Variants in TNRC18 observed in about 807,000 individuals in gnomAD.
TNRC18 encodes the protein trinucleotide repeat containing 18.
In TNRC18, 69 loss-of-function variants were observed where a neutral mutation model predicts 226.7. The ratio of observed to expected loss-of-function variants is 0.30; its 90% CI spans 0.25 to 0.37. The LOEUF is 0.37. Ranked by LOEUF, TNRC18 falls within the 10% of genes least tolerant of loss-of-function variation. TNRC18 has a pLI of 1.00. For missense variants in TNRC18, 4,754 were observed against 4,256.6 expected (o/e 1.12, Z -3.25); for synonymous variants, 2,449 against 1,927.6 (o/e 1.27, Z -7.09).
intron 18 of TNRC18, among the ~76,000 whole-genome samples, chr7:5,339,118 C>G (rs951444526): frequency 6.6e-6 from 1 of 151,388 alleles, no homozygotes; most frequent in Non-Finnish European, 1.5e-5. Context: ...GGCAACAGAG[C>G]GAGACCTCTT....
chr7:5,339,579 T>TGTGTGTGTGTG (rs1562514263), intron 18 of TNRC18, among the ~76,000 whole-genome samples: 1 of 122,576 alleles, frequency 8.2e-6, no homozygotes, highest in Non-Finnish European at 1.7e-5. Context: ...GTGTGTGTGT[T>TGTGTGTGTGTG]TTTCGACAGA....
intron 24 of TNRC18, among the ~76,000 whole-genome samples, chr7:5,319,003 G>A (rs745614004): frequency 5.3e-5 from 8 of 152,242 alleles, no homozygotes; most frequent in East Asian, 3.9e-4. Flanking sequence ...CAACAAAAGC[G>A]GTTCCCAGGA....
chr7:5,389,761 T>C (rs970630363), intron 4 of TNRC18: 1 of 154,216 alleles, frequency 6.5e-6, no homozygotes, highest in Non-Finnish European at 1.4e-5. Flanking sequence ...CCAGTGTTTT[T>C]TCTTGGAAAT....
At chr7:5,372,217 G>A (rs546734434) in intron 10 of TNRC18, among the ~76,000 whole-genome samples, 2 of 149,382 alleles carry the variant, frequency 1.3e-5, no homozygotes, top group Admixed American at 6.7e-5. Context: ...ACAGGCGCCC[G>A]CCACCATGCC....
intron 15 of TNRC18, among the ~76,000 whole-genome samples, chr7:5,358,713 C>A (rs1266769344): frequency 1.3e-5 from 2 of 152,152 alleles, no homozygotes; most frequent in Non-Finnish European, 2.9e-5. Flanking sequence ...ACTTGGGAGG[C>A]TGAGGCAGGA....
intron 2 of TNRC18, 190 bp downstream of exon 2, chr7:5,420,870 C>T (rs749227111): frequency 2.6e-6 from 2 of 766,814 alleles, no homozygotes; most frequent in Non-Finnish European, 4.4e-6. Context: ...GTAGCCGAGC[C>T]GCGCGACACT....
chr7:5,387,855 T>C lies in TNRC18; in HGVS notation c.1969A>G (p.Arg657Gly). The C allele has an allele frequency of 6.2e-7, 1 of 1,601,142 alleles. No homozygotes were observed. Among genetic ancestry groups the C allele is most frequent in the Non-Finnish European group, 8.5e-7 (1 of 1,176,862 alleles). ...CCGAAAGCTTTGGCGCTCTCGGGCC[T>C]CTCGGGGTCCCGCTTCAGCTGCCGG... ...GGRQLKRDPE[R>G]PESAKAFGRE... Residue 657 changes from arginine to glycine, a missense_variant, in exon 5 of 30, where the codon AGG becomes GGG. Arg to Gly is a moderately radical substitution (Grantham distance 125). Transcript: ENST00000430969.
At chr7:5,353,133 C>T (rs566125420) in intron 16 of TNRC18, among the ~76,000 whole-genome samples, 7 of 152,306 alleles carry the variant, frequency 4.6e-5, no homozygotes, top group East Asian at 3.9e-4. Context: ...CCCTGCCCAT[C>T]GAACCAGTCA....
intron 27 of TNRC18, among the ~76,000 whole-genome samples, chr7:5,311,309 C>A (rs1335106342): frequency 6.6e-6 from 1 of 152,274 alleles, no homozygotes; most frequent in Admixed American, 6.5e-5. Context: ...AGCTAACCCA[C>A]TGCTGCAGGC....
At position 5,332,868 on chromosome 7, in the gene TNRC18, C is replaced by A; in HGVS notation, c.5901G>T (p.Lys1967Asn). Residue 1967 changes from lysine (K) to asparagine (N), a missense_variant, in exon 19 of 30, where the codon AAG becomes AAT. Physicochemically the swap from Lys to Asn is moderately conservative, Grantham distance 94. Coordinates refer to ENST00000430969, the MANE Select transcript of TNRC18 (RefSeq NM_001080495.3). Reference sequence around the variant, plus strand: ...CCCGCAGCTTCCGGGCCTTGCGCCCCTTCTCCACCGCCAGCTTGGCCTTGT... The same window carrying A: ...CCCGCAGCTTCCGGGCCTTGCGCCCATTCTCCACCGCCAGCTTGGCCTTGT... ...SPDKAKLAVE[K>N]GRKARKLRGP... The A allele has an allele frequency of 6.6e-7, 1 of 1,514,228 alleles. No individual in the cohort carries two copies. The highest frequency in any genetic ancestry group is 8.8e-7 in the Non-Finnish European group (1 of 1,140,204). 93.8% of individuals were successfully genotyped at this position (1,514,228 alleles called of 1,614,324 possible). A position where few individuals can be genotyped will look rare whatever the true frequency, so the allele number is the denominator to read the frequency against.
chr7:5,307,882 G>T lies in TNRC18; in HGVS notation c.*224C>A. ...GCTAAGAGGGGCCCCTGTCCTGGGG[G>T]CACTGAGGGGTTGGAAGGTGGGGCT... is the stretch of plus-strand genomic sequence containing the variant. On this transcript the variant is annotated 3_prime_UTR_variant, in exon 30 of 30. Coordinates refer to ENST00000430969, the MANE Select transcript of TNRC18 (RefSeq NM_001080495.3). 1.7e-6 allele frequency: 1 copy of T among 578,566 alleles called. No individual in the cohort carries two copies. Among genetic ancestry groups the T allele is most frequent in the South Asian group, 2.0e-5 (1 of 49,914 alleles). The allele number at this position is 578,566 out of a possible 1,614,324, so 35.8% of individuals were successfully genotyped here.
intron 12 of TNRC18, among the ~76,000 whole-genome samples, chr7:5,362,325 G>T (rs1471218121): frequency 6.6e-6 from 1 of 152,270 alleles, no homozygotes; most frequent in East Asian, 1.9e-4. Flanking sequence ...TAAACGGAAG[G>T]CTCAGCAAGG....
At position 5,345,686 on chromosome 7, in the gene TNRC18, C is replaced by T; in HGVS notation, c.5595G>A (p.Leu1865=). The change falls in exon 18 of 30, where the codon CTG becomes CTA. Residue 1865 remains leucine, a synonymous_variant. Coordinates refer to ENST00000430969, the MANE Select transcript of TNRC18 (RefSeq NM_001080495.3). The stretch of plus-strand genomic sequence containing the variant: ...TGGCGGCGAAGCGTGCCAGCAGGCC[C>T]AGCCCACTCTCCTCCAGGCCCGGTG... ...ALSPGLEESG[L]GLLARFAASA... is the part of the protein sequence containing the mutation. 6.5e-7 allele frequency: 1 copy of T among 1,550,028 alleles called. No individual in the cohort carries two copies. Among genetic ancestry groups the T allele is most frequent in the Non-Finnish European group, 8.7e-7 (1 of 1,147,040 alleles).
chr7:5,359,651 G>A, intron 14 of TNRC18, 82 bp from the exon 15 acceptor site: 2 of 1,556,260 alleles, frequency 1.3e-6, no homozygotes, highest in South Asian at 1.1e-5. Flanking sequence ...GCCCTGAAGG[G>A]TTGGGCTCTG....
intron 19 of TNRC18, among the ~76,000 whole-genome samples, chr7:5,325,772 T>C (rs1186612620): frequency 2.0e-5 from 3 of 147,052 alleles, no homozygotes; most frequent in Non-Finnish European, 4.5e-5. Context: ...GGTCTCGCTC[T>C]GTTGCCCAGG....
chr7:5,366,087 G>T (rs939027678), intron 11 of TNRC18, among the ~76,000 whole-genome samples: 1 of 151,960 alleles, frequency 6.6e-6, no homozygotes, highest in Non-Finnish European at 1.5e-5. Context: ...ATGCTGCTGA[G>T]GGGGAGCTTC....
At chr7:5,390,655 CT>C (rs759144912) in intron 3 of TNRC18, 27 bp from the exon 4 acceptor site, 3 of 1,492,546 alleles carry the variant, frequency 2.0e-6, no homozygotes, top group South Asian at 2.7e-5. Context: ...AAAAGCTGGG[CT>C]GGGCCAATTC....
At position 5,321,120 on chromosome 7, in the gene TNRC18, G is replaced by A; in HGVS notation, c.6513C>T (p.Asp2171=). ...DGLRVLIPMD[D]KLLYAGHVQT... ...GCACGTGCCCGGCGTACAGCAGCTT[G>A]TCATCCATGGGGATGAGCACACGCA... Residue 2171 remains aspartate, a synonymous_variant, in exon 22 of 30, where the codon GAC becomes GAT. Transcript: ENST00000430969. The A allele has an allele frequency of 6.4e-7, 1 of 1,555,934 alleles. No individual in the cohort carries two copies. Among genetic ancestry groups the A allele is most frequent in the Non-Finnish European group, 8.7e-7 (1 of 1,150,596 alleles).
In TNRC18 at chr7:5,332,707, G is replaced by C. The variant is rs1162767325; in HGVS notation, c.6062C>G (p.Thr2021Ser). ...APAPVSTAPA[T>S]KTSRCAKGGP... ...GCCCTTGGCGCAGCGGCTGGTCTTG[G>C]TGGCGGGCGCGGTGCTGACGGGCGC... Residue 2021 changes from threonine (T) to serine (S), a missense_variant, in exon 19 of 30, where the codon ACC becomes AGC. Thr to Ser is a moderately conservative substitution (Grantham distance 58). Coordinates refer to ENST00000430969, the MANE Select transcript of TNRC18 (RefSeq NM_001080495.3). 21 of 1,528,944 alleles carry C rather than the reference G, an allele frequency of 1.4e-5. No homozygotes were observed. The highest frequency in any genetic ancestry group is 2.4e-5 in the South Asian group (2 of 83,026). 94.7% of individuals were successfully genotyped at this position (1,528,944 alleles called of 1,614,324 possible). A position where few individuals can be genotyped will look rare whatever the true frequency, so the allele number is the denominator to read the frequency against.
Sources: allele counts gnomAD v4.1 joint callset (sites outside exome capture counted in the v4.1 genomes callset), GRCh38; gene constraint gnomAD v4.1.1; transcripts MANE v1.5; gene names NCBI Gene and HGNC (gene_info 2026-07-23, HGNC 2026-07-21).